The following FAM107B variants were observed in gnomAD, a reference collection of about 807,000 sequenced individuals.
FAM107B encodes protein FAM107B.
A neutral mutation model predicts 31.5 loss-of-function variants in FAM107B; 21 were observed. That is an observed-to-expected ratio of 0.67 (90% confidence interval 0.47 to 0.96). FAM107B has a LOEUF of 0.96. Among genes scored for constraint, FAM107B ranks in the 40% least tolerant of loss-of-function variants. The pLI is 0.00. For missense variants in FAM107B, 452 were observed against 377.1 expected (o/e 1.20, Z -1.64); for synonymous variants, 157 against 141.5 (o/e 1.11, Z -0.78).
chr10:14,674,971 C>A (rs1854646777), intron 1 of FAM107B, among the ~76,000 whole-genome samples: 1 of 152,158 alleles, frequency 6.6e-6, no homozygotes, highest in Non-Finnish European at 1.5e-5. Flanking sequence ...GGATTACAGG[C>A]ATGAGCCATT....
At chr10:14,717,455 G>T (rs539209753) in intron 1 of FAM107B, among the ~76,000 whole-genome samples, 1 of 152,204 alleles carries the variant, frequency 6.6e-6, no homozygotes, top group South Asian at 2.1e-4. Context: ...CACCAGGGAA[G>T]CGGACAGTGC....
At chr10:14,589,136 A>C (rs1352925230) in intron 2 of FAM107B, among the ~76,000 whole-genome samples, 1 of 151,306 alleles carries the variant, frequency 6.6e-6, no homozygotes, top group African/African-American at 2.4e-5. Context: ...AGATAACATC[A>C]CTGCACTACA....
In FAM107B at chr10:14,609,844, A is replaced by G. The variant is rs145094592; in HGVS notation, c.469+57790T>C. Reference sequence around the variant, plus strand: ...GACAGATGCTCTTTAATATAAACATAGAATGTGAGGGCAGGCAGAAGGTGG... The same window carrying G: ...GACAGATGCTCTTTAATATAAACATGGAATGTGAGGGCAGGCAGAAGGTGG... On this transcript the variant is annotated intron_variant, in intron 2 of 4. Coordinates refer to ENST00000181796, the MANE Select transcript of FAM107B (RefSeq NM_031453.4). Among the ~76,000 whole-genome samples, 310 of 152,330 alleles carry G rather than the reference A, an allele frequency of 2.0e-3. 3 individuals are homozygous for G. Among genetic ancestry groups the G allele is most frequent in the African/African-American group, 7.2e-3 (298 of 41,584 alleles).
chr10:14,714,205 A>G (rs1855727006), intron 1 of FAM107B, among the ~76,000 whole-genome samples: 1 of 152,198 alleles, frequency 6.6e-6, no homozygotes, highest in Non-Finnish European at 1.5e-5. Flanking sequence ...CAACAACAAC[A>G]AAATCTAGGA....
Position 14,773,990 on chromosome 10 carries a change from T to G in FAM107B, c.411+263A>C, listed in dbSNP as rs190720185. Among the ~76,000 whole-genome samples, 16 of 152,336 alleles carry G rather than the reference T, an allele frequency of 1.1e-4. No individual in the cohort carries two copies. The East Asian group carries it at 2.3e-3, about 22-fold the overall frequency. On this transcript the variant is annotated intron_variant, in intron 1 of 4. Transcript: ENST00000181796. Reference sequence around the variant, plus strand: ...TTATTGAGTGAGCCATTTTTGGCTCTAAGGCACCCTAGCCCGTTAATTCAA... The same window carrying G: ...TTATTGAGTGAGCCATTTTTGGCTCGAAGGCACCCTAGCCCGTTAATTCAA...
intron 2 of FAM107B, chr10:14,553,440 G>A (rs1588565680): frequency 1.0e-6 from 1 of 994,296 alleles, no homozygotes; most frequent in Non-Finnish European, 1.4e-6. Flanking sequence ...TAATGCCAAA[G>A]CAATCATTCT....
At chr10:14,525,543 G>C (rs986697338) in intron 3 of FAM107B, among the ~76,000 whole-genome samples, 3 of 152,276 alleles carry the variant, frequency 2.0e-5, no homozygotes, top group Admixed American at 1.3e-4. Context: ...ATTATGCAAA[G>C]TAGAGACCCT....
At chr10:14,593,644 A>G (rs1323283322) in intron 2 of FAM107B, among the ~76,000 whole-genome samples, 2 of 151,928 alleles carry the variant, frequency 1.3e-5, no homozygotes, top group African/African-American at 2.4e-5. Flanking sequence ...CAGTGAGCTG[A>G]GATCACACCA....
At chr10:14,691,206 C>T (rs1410259765) in intron 1 of FAM107B, among the ~76,000 whole-genome samples, 1 of 152,152 alleles carries the variant, frequency 6.6e-6, no homozygotes, top group Non-Finnish European at 1.5e-5. Context: ...CAGCCCTAAA[C>T]TATGCACTTT....
At chr10:14,571,782 G>C (rs1851247958) in intron 2 of FAM107B, 33 of 985,336 alleles carry the variant, frequency 3.3e-5, no homozygotes, top group Non-Finnish European at 4.0e-5. Flanking sequence ...CTATTTTCTT[G>C]TTTATGTTTT....
intron 1 of FAM107B, among the ~76,000 whole-genome samples, chr10:14,742,282 C>T (rs1404250881): frequency 7.3e-6 from 1 of 136,218 alleles, no homozygotes; most frequent in Non-Finnish European, 1.6e-5. Flanking sequence ...ACACCCAGCT[C>T]ATTTTTTTTT....
At chr10:14,618,222 T>G (rs1852902766) in intron 2 of FAM107B, among the ~76,000 whole-genome samples, 1 of 152,210 alleles carries the variant, frequency 6.6e-6, no homozygotes, top group Non-Finnish European at 1.5e-5. Context: ...TTCTCTATGT[T>G]CTTGGGTGTA....
chr10:14,610,516 G>C (rs41370151), intron 2 of FAM107B, among the ~76,000 whole-genome samples: 1,579 of 152,304 alleles, frequency 0.01, 25 homozygotes, highest in African/African-American at 0.034. Context: ...AAGAGACTTA[G>C]AGAACTCATT....
chr10:14,708,163 C>G (rs762542623), intron 1 of FAM107B, among the ~76,000 whole-genome samples: 1 of 152,054 alleles, frequency 6.6e-6, no homozygotes, highest in Non-Finnish European at 1.5e-5. Flanking sequence ...CTGAAAACTC[C>G]GCCTCCCAGG....
chr10:14,638,817 T>C lies in FAM107B; in HGVS notation c.469+28817A>G, dbSNP rs542937341. Among the ~76,000 whole-genome samples the C allele has an allele frequency of 2.0e-5, 3 of 152,290 alleles. No individual in the cohort carries two copies. In the South Asian group the frequency reaches 6.2e-4, roughly 32 times the overall value. On this transcript the variant is annotated intron_variant, in intron 2 of 4. Transcript: ENST00000181796. ...AGATGTTGCACTGTTTTCTCTTTAA[T>C]GCCCTTTCTATTGCATTCTCATGTC...
chr10:14,538,686 C>A (rs1479400194), intron 2 of FAM107B, among the ~76,000 whole-genome samples: 2 of 152,170 alleles, frequency 1.3e-5, no homozygotes, highest in African/African-American at 4.8e-5. Flanking sequence ...TTTTTTGGTG[C>A]ATGCCCTCCT....
chr10:14,718,372 AAAAG>A (rs935069959), intron 1 of FAM107B, among the ~76,000 whole-genome samples: 6 of 149,554 alleles, frequency 4.0e-5, no homozygotes, highest in Admixed American at 1.3e-4. Flanking sequence ...GGAGGGAAAG[AAAAG>A]AAAGAAAGGA....
Position 14,575,132 on chromosome 10 carries a change from T to C in FAM107B, c.470-44617A>G, listed in dbSNP as rs186091143. Reference sequence around the variant, plus strand: ...TGCACTGAATAAAGCAGGTGGCATATTTTTTAGAATTTCTAGTTTAAGTAG... The same window carrying C: ...TGCACTGAATAAAGCAGGTGGCATACTTTTTAGAATTTCTAGTTTAAGTAG... On this transcript the variant is annotated intron_variant, in intron 2 of 4. Coordinates refer to ENST00000181796, the MANE Select transcript of FAM107B (RefSeq NM_031453.4). Among the ~76,000 whole-genome samples, 298 of 152,294 alleles carry C rather than the reference T, an allele frequency of 2.0e-3. 1 individual carries two copies. Among genetic ancestry groups the C allele is most frequent in the Middle Eastern group, 3.4e-3 (1 of 294 alleles).
chr10:14,687,312 C>A (rs1045188933), intron 1 of FAM107B, among the ~76,000 whole-genome samples: 2 of 152,134 alleles, frequency 1.3e-5, no homozygotes, highest in African/African-American at 4.8e-5. Context: ...TGCAACCTCA[C>A]GGTCAAATAA....
Sources: gnomAD v4.1 joint callset for allele counts (sites outside exome capture counted in the v4.1 genomes callset) on GRCh38, gnomAD v4.1.1 for gene constraint, MANE v1.5 for transcripts, NCBI Gene and HGNC (gene_info 2026-07-23, HGNC 2026-07-21) for gene names.